Variants in TPD52L1 observed in about 807,000 individuals in gnomAD.
TPD52L1 encodes tumor protein D53.
TPD52L1 carries 18 observed loss-of-function variants against 28.7 expected under a neutral mutation model. That is an observed-to-expected ratio of 0.63 (90% CI 0.43 to 0.93). TPD52L1 has a LOEUF of 0.93. Among genes scored for constraint, TPD52L1 ranks in the 40% least tolerant of loss-of-function variants. TPD52L1 has a pLI of 0.00. For missense variants in TPD52L1, 203 were observed against 254.8 expected (o/e 0.80, Z 1.39); for synonymous variants, 75 against 88.8 (o/e 0.84, Z 0.88).
chr6:125,250,394 C>T (rs1473481382), intron 4 of TPD52L1, among the ~76,000 whole-genome samples: 1 of 152,206 alleles, frequency 6.6e-6, no homozygotes, highest in African/African-American at 2.4e-5. Flanking sequence ...GGAAGACAGA[C>T]ATAGCTTAGC....
Position 125,260,977 on chromosome 6 carries a change from A to AAGG in TPD52L1, c.487-1856_487-1855insGGA, listed in dbSNP as rs1554219433. The AAGG allele has an allele frequency of 7.8e-4, 34 of 43,810 alleles. 2 individuals are homozygous for AAGG. The highest frequency in any genetic ancestry group is 6.2e-3 in the African/African-American group (34 of 5,446). 2.7% of individuals were successfully genotyped at this position (43,810 alleles called of 1,614,324 possible). Reference sequence around the variant, plus strand: ...GAAAGAAAGAAAGAAAGAAAGAAAGAAAAGAAAAGAAAGAAAGAAAGAAAG... The same window carrying AAGG: ...GAAAGAAAGAAAGAAAGAAAGAAAGAAGGAAAGAAAAGAAAGAAAGAAAGAAAG... On this transcript the variant is annotated intron_variant, in intron 6 of 6. Transcript: ENST00000534000.
chr6:125,219,952 T>A, intron 1 of TPD52L1, 126 bp from the exon 2 acceptor site: 1 of 747,766 alleles, frequency 1.3e-6, no homozygotes, highest in Non-Finnish European at 2.4e-6. Context: ...TTGTCTTTTC[T>A]GGAATTTTTA....
At chr6:125,253,112 C>T (rs1277208941) in intron 4 of TPD52L1, 3 of 152,300 alleles carry the variant, frequency 2.0e-5, no homozygotes, top group Non-Finnish European at 4.4e-5. Flanking sequence ...TCTTAAAATT[C>T]TCAGGAATGT....
In TPD52L1 at chr6:125,183,204, G is replaced by A. The variant is rs549785463; in HGVS notation, c.19+29234G>A. ...TTGTAGTTAGAAATGGAGACCAGGT[G>A]TGGTGGCTCACACCTATAATCCCAG... On this transcript the variant is annotated intron_variant, in intron 1 of 6. Transcript: ENST00000534000. Among the ~76,000 whole-genome samples the A allele has an allele frequency of 1.4e-4, 21 of 152,316 alleles. No homozygotes were observed. The South Asian group carries it at 3.9e-3, about 29-fold the overall frequency.
chr6:125,255,350 A>G (rs1343854239), intron 5 of TPD52L1, among the ~76,000 whole-genome samples: 1 of 152,224 alleles, frequency 6.6e-6, no homozygotes, highest in Admixed American at 6.5e-5. Context: ...GCCAAATAAA[A>G]CCTGCAATGG....
rs543150276 is a variant in TPD52L1, at chr6:125,233,426, A to C, written c.284+4160A>C. ...TGGTTGTAGCACTATTGAGTTCAGG[A>C]GTGCCAGTGAAGATTAAAGACCTAA... On this transcript the variant is annotated intron_variant, in intron 3 of 6. Transcript: ENST00000534000. 5.3e-5 allele frequency among the ~76,000 whole-genome samples: 8 copies of C among 152,286 alleles called. 1 individual carries two copies. The highest frequency in any genetic ancestry group is 3.4e-3 in the Middle Eastern group (1 of 294).
chr6:125,252,250 A>G, intron 4 of TPD52L1: 1 of 514,664 alleles, frequency 1.9e-6, no homozygotes, highest in South Asian at 3.5e-5. Flanking sequence ...AATCATTTAC[A>G]CCATTTCACT....
At chr6:125,178,545 C>T (rs767060105) in intron 1 of TPD52L1, among the ~76,000 whole-genome samples, 1 of 152,096 alleles carries the variant, frequency 6.6e-6, no homozygotes, top group African/African-American at 2.4e-5. Flanking sequence ...CGCTTCAACC[C>T]GGGAAGTGGA....
At chr6:125,161,994 A>G (rs1790550843) in intron 1 of TPD52L1, among the ~76,000 whole-genome samples, 1 of 152,238 alleles carries the variant, frequency 6.6e-6, no homozygotes, top group South Asian at 2.1e-4. Flanking sequence ...CTATTAAATT[A>G]TCCAAGGAAA....
intron 2 of TPD52L1, among the ~76,000 whole-genome samples, chr6:125,222,381 C>T (rs1795297213): frequency 6.6e-6 from 1 of 152,178 alleles, no homozygotes; most frequent in Admixed American, 6.5e-5. Flanking sequence ...GGTCTGTTAG[C>T]TCCTTGGGTA....
In TPD52L1 at chr6:125,254,834, C is replaced by A. The variant is rs80207557; in HGVS notation, c.425+1079C>A. Among the ~76,000 whole-genome samples the A allele has an allele frequency of 1.6e-3, 251 of 152,290 alleles. 1 individual carries two copies. The highest frequency in any genetic ancestry group is 0.015 in the East Asian group (78 of 5,186). On this transcript the variant is annotated intron_variant, in intron 5 of 6. Transcript: ENST00000534000. ...CTGATTAAATCTGATTAAAGAGCTT[C>A]TCCCTGTTCTCCAGCATGTATTCTA...
In TPD52L1 at chr6:125,229,174, A is replaced by G. The variant is rs140521544; in HGVS notation, c.192A>G (p.Leu64=). The change falls in exon 3 of 7, where the codon CTA becomes CTG. Residue 64 remains leucine, a synonymous_variant. Coordinates refer to ENST00000534000, the MANE Select transcript of TPD52L1 (RefSeq NM_003287.4). ...TTTTGTCAGCGAAAGAAAGGCATCT[A>G]GTTGAGATAAAACAAAAACTCGGCA... ...RQVLSAKERH[L]VEIKQKLGMN... 209 of 1,613,768 alleles carry G rather than the reference A, an allele frequency of 1.3e-4. No homozygotes were observed. The African/African-American group carries it at 2.6e-3, about 20-fold the overall frequency.
chr6:125,230,653 G>A (rs1795894701), intron 3 of TPD52L1, among the ~76,000 whole-genome samples: 1 of 152,164 alleles, frequency 6.6e-6, no homozygotes, highest in African/African-American at 2.4e-5. Flanking sequence ...GATGTCCTTT[G>A]TATGAGGAAT....
chr6:125,224,142 T>C (rs1324654857), intron 2 of TPD52L1, among the ~76,000 whole-genome samples: 1 of 152,076 alleles, frequency 6.6e-6, no homozygotes, highest in Non-Finnish European at 1.5e-5. Flanking sequence ...TTAATTTCAC[T>C]AAGCTGCATT....
intron 3 of TPD52L1, among the ~76,000 whole-genome samples, chr6:125,235,171 T>C (rs1041297865): frequency 6.6e-6 from 1 of 151,430 alleles, no homozygotes; most frequent in African/African-American, 2.4e-5. Context: ...GGGGTTTTTT[T>C]CCCCAAGACT....
chr6:125,209,199 G>C (rs555761800), intron 1 of TPD52L1, among the ~76,000 whole-genome samples: 2 of 152,312 alleles, frequency 1.3e-5, no homozygotes, highest in African/African-American at 2.4e-5. Context: ...GAAACCATAG[G>C]TTCCAGCGTG....
chr6:125,191,671 T>C (rs977985199), intron 1 of TPD52L1, among the ~76,000 whole-genome samples: 1 of 152,046 alleles, frequency 6.6e-6, no homozygotes, highest in African/African-American at 2.4e-5. Context: ...CCAAATGAAC[T>C]CTAAGCATGT....
At chr6:125,214,728 A>G (rs1205579892) in intron 1 of TPD52L1, among the ~76,000 whole-genome samples, 1 of 152,148 alleles carries the variant, frequency 6.6e-6, no homozygotes, top group African/African-American at 2.4e-5. Context: ...AAAATATTAC[A>G]TTTTGGGAGA....
chr6:125,187,408 G>A (rs1792714175), intron 1 of TPD52L1, among the ~76,000 whole-genome samples: 1 of 152,072 alleles, frequency 6.6e-6, no homozygotes, highest in South Asian at 2.1e-4. Flanking sequence ...TCTTCTCCTG[G>A]AACTAAAATT....
Sources: gnomAD v4.1 joint callset for allele counts (sites outside exome capture counted in the v4.1 genomes callset) on GRCh38, gnomAD v4.1.1 for gene constraint, MANE v1.5 for transcripts, NCBI Gene and HGNC (gene_info 2026-07-23, HGNC 2026-07-21) for gene names.